Variants in GLRA2 observed in about 807,000 individuals in gnomAD.
GLRA2 encodes glycine receptor alpha 2.
In GLRA2, 11 loss-of-function variants were observed where a neutral mutation model predicts 31.6. The observed-to-expected ratio is 0.35, with a 90% CI of 0.22 to 0.58. The LOEUF (loss-of-function observed/expected upper bound fraction) is 0.58. Among genes scored for constraint, GLRA2 ranks in the 20% least tolerant of loss-of-function variants. GLRA2 has a pLI of 0.84. For missense variants in GLRA2, 212 were observed against 351.8 expected (o/e 0.60, Z 3.18); for synonymous variants, 132 against 134.0 (o/e 0.99, Z 0.10).
At chrX:14,613,640 T>C (rs2090425383) in intron 7 of GLRA2, among the ~76,000 whole-genome samples, 1 of 111,638 alleles carries the variant, frequency 9.0e-6, no homozygotes, top group Non-Finnish European at 1.9e-5. Context: ...GACTTGAGCA[T>C]CCACAGATTT....
chrX:14,467,709 G>A, the GLRA2 span, among the ~76,000 whole-genome samples: 1 of 111,206 alleles, frequency 9.0e-6, no homozygotes, highest in African/African-American at 3.3e-5. Flanking sequence ...AGCTGTAAAA[G>A]TTCTAAACAT....
At chrX:14,617,309 T>C (rs1309028026) in intron 7 of GLRA2, among the ~76,000 whole-genome samples, 1 of 111,920 alleles carries the variant, frequency 8.9e-6, no homozygotes, top group Non-Finnish European at 1.9e-5. Context: ...AGGCACTATG[T>C]TATAATACAT....
chrX:14,544,035 A>C (rs984948105), intron 2 of GLRA2, among the ~76,000 whole-genome samples: 7 of 111,590 alleles, frequency 6.3e-5, no homozygotes, highest in African/African-American at 2.3e-4. Flanking sequence ...CCAGAAAGAG[A>C]ATATTCATAA....
the GLRA2 span, among the ~76,000 whole-genome samples, chrX:14,481,754 AAG>A: frequency 4.5e-5 from 5 of 110,737 alleles, no homozygotes; most frequent in South Asian, 1.9e-3. Context: ...TCAGATCCTG[AAG>A]AGTGATTACA....
chrX:14,546,658 A>G (rs777682406), intron 2 of GLRA2, among the ~76,000 whole-genome samples: 2 of 109,690 alleles, frequency 1.8e-5, no homozygotes, highest in Non-Finnish European at 1.9e-5. Flanking sequence ...CTGGGTAAAA[A>G]GTATTCTATA....
intron 7 of GLRA2, among the ~76,000 whole-genome samples, chrX:14,686,392 C>T (rs1242483498): frequency 9.0e-6 from 1 of 111,126 alleles, no homozygotes; most frequent in Non-Finnish European, 1.9e-5. Context: ...TCTCGTTGAC[C>T]TTTCTAATGT....
the GLRA2 span, among the ~76,000 whole-genome samples, chrX:14,460,571 G>T: frequency 4.5e-5 from 5 of 110,173 alleles, no homozygotes. Flanking sequence ...TCTATTCAGG[G>T]ATTGGTTAAT....
chrX:14,618,819 G>A (rs754887911), intron 7 of GLRA2, among the ~76,000 whole-genome samples: 2 of 111,536 alleles, frequency 1.8e-5, no homozygotes, highest in African/African-American at 6.5e-5. Flanking sequence ...TGTTAGCCAG[G>A]GGCTGCTCTT....
chrX:14,514,102 A>G, the GLRA2 span, among the ~76,000 whole-genome samples: 1 of 111,800 alleles, frequency 8.9e-6, no homozygotes, highest in African/African-American at 3.2e-5. Flanking sequence ...TGGCATTTGC[A>G]GCAACCTGGA....
At chrX:14,520,785 T>C in the GLRA2 span, among the ~76,000 whole-genome samples, 3 of 112,259 alleles carry the variant, frequency 2.7e-5, no homozygotes, top group Non-Finnish European at 3.8e-5. Context: ...TTAGAGAGAG[T>C]AAATGCAGAG....
chrX:14,632,050 G>A (rs2090656041), intron 7 of GLRA2, among the ~76,000 whole-genome samples: 1 of 99,220 alleles, frequency 1.0e-5, no homozygotes, highest in African/African-American at 3.7e-5. Context: ...TTCAATTCTG[G>A]GAATTGGTTG....
chrX:14,546,931 A>G (rs2089489958), intron 2 of GLRA2, among the ~76,000 whole-genome samples: 1 of 111,911 alleles, frequency 8.9e-6, no homozygotes. Context: ...GTCTCAAATA[A>G]GCAGGTACCC....
the GLRA2 span, among the ~76,000 whole-genome samples, chrX:14,495,055 G>T: frequency 9.0e-6 from 1 of 111,634 alleles, no homozygotes; most frequent in Non-Finnish European, 1.9e-5. Flanking sequence ...GCTTCAGGAT[G>T]GACAAGTGAT....
At chrX:14,670,948 T>G (rs751462996) in intron 7 of GLRA2, among the ~76,000 whole-genome samples, 1 of 111,396 alleles carries the variant, frequency 9.0e-6, no homozygotes, top group African/African-American at 3.3e-5. Context: ...CCCAGGAGAG[T>G]TGGCATATGC....
At chrX:14,463,239 A>G in the GLRA2 span, among the ~76,000 whole-genome samples, 1 of 111,277 alleles carries the variant, frequency 9.0e-6, no homozygotes, top group Non-Finnish European at 1.9e-5. Flanking sequence ...CCAAAGGGGC[A>G]TCTGCCTGTA....
the GLRA2 span, among the ~76,000 whole-genome samples, chrX:14,462,326 TG>T: frequency 9.0e-6 from 1 of 110,717 alleles, no homozygotes; most frequent in African/African-American, 3.3e-5. Context: ...ACAAGTGTCT[TG>T]GGGTTGCTCT....
chrX:14,587,352 A>G (rs2090091791), intron 4 of GLRA2, among the ~76,000 whole-genome samples: 1 of 111,932 alleles, frequency 8.9e-6, no homozygotes, highest in Non-Finnish European at 1.9e-5. Flanking sequence ...GTTGTAAGTT[A>G]TTTGAGACGT....
At chrX:14,630,834 T>C (rs1357897522) in intron 7 of GLRA2, among the ~76,000 whole-genome samples, 2 of 106,791 alleles carry the variant, frequency 1.9e-5, no homozygotes, top group South Asian at 8.6e-4. Context: ...TACCTTAAGT[T>C]CTAGGGTACA....
chrX:14,661,874 GA>G (rs1182687158), intron 7 of GLRA2, among the ~76,000 whole-genome samples: 818 of 64,443 alleles, frequency 0.013, 7 homozygotes, highest in African/African-American at 0.043. Flanking sequence ...CTCTGTCTCA[GA>G]AAAAAAAAAA....
Sources: gnomAD v4.1 joint callset for allele counts (sites outside exome capture counted in the v4.1 genomes callset) on GRCh38, gnomAD v4.1.1 for gene constraint, MANE v1.5 for transcripts, NCBI Gene and HGNC (gene_info 2026-07-23, HGNC 2026-07-21) for gene names.